The following PPFIA2 variants were observed in gnomAD, a reference collection of about 807,000 sequenced individuals.
PPFIA2 encodes liprin-alpha-2.
A neutral mutation model predicts 175.5 loss-of-function variants in PPFIA2; 46 were observed. That is an observed-to-expected ratio of 0.26 (90% CI 0.21 to 0.34). The LOEUF is 0.34. Ranked by LOEUF, PPFIA2 falls within the 10% of genes least tolerant of loss-of-function variation. The probability of loss-of-function intolerance (pLI) is 1.00; values close to 1 mark genes in which losing one functional copy is unlikely to be tolerated. For missense variants in PPFIA2, 1,179 were observed against 1,506.1 expected (o/e 0.78, Z 3.60); for synonymous variants, 568 against 511.4 (o/e 1.11, Z -1.49).
intron 9 of PPFIA2, 30 bp downstream of exon 9, chr12:81,383,993 C>G (rs1437613496): frequency 1.3e-6 from 2 of 1,535,964 alleles, no homozygotes; most frequent in Admixed American, 3.4e-5. Flanking sequence ...ATTCAGAAAT[C>G]AAAGACTGAA....
At chr12:81,305,114 C>T (rs971136735) in intron 22 of PPFIA2, among the ~76,000 whole-genome samples, 10 of 152,016 alleles carry the variant, frequency 6.6e-5, no homozygotes, top group African/African-American at 2.4e-4. Flanking sequence ...AAATTAACTT[C>T]TTACCAGCTA....
intron 23 of PPFIA2, 103 bp from the exon 24 acceptor site, chr12:81,295,138 A>G: frequency 1.0e-6 from 1 of 975,624 alleles, no homozygotes; most frequent in Non-Finnish European, 1.5e-6. Flanking sequence ...ACATGACCTC[A>G]CCCCACGAGA....
At chr12:81,437,778 G>A (rs193280730) in intron 7 of PPFIA2, among the ~76,000 whole-genome samples, 34 of 151,962 alleles carry the variant, frequency 2.2e-4, no homozygotes, top group African/African-American at 7.0e-4. Flanking sequence ...CACATTTTAC[G>A]TTTTTTTCTG....
chr12:81,552,546 T>C (rs1269297364), intron 4 of PPFIA2, among the ~76,000 whole-genome samples: 1 of 151,994 alleles, frequency 6.6e-6, no homozygotes, highest in Admixed American at 6.6e-5. Flanking sequence ...ATCTAAGTTA[T>C]CAATCATGAT....
chr12:81,663,045 A>C (rs1049488571), intron 4 of PPFIA2, among the ~76,000 whole-genome samples: 30 of 152,206 alleles, frequency 2.0e-4, no homozygotes, highest in Non-Finnish European at 1.2e-4. Flanking sequence ...TATTGATGGG[A>C]CATATCTCAA....
At chr12:81,580,356 C>G (rs945241674) in intron 4 of PPFIA2, among the ~76,000 whole-genome samples, 2 of 151,654 alleles carry the variant, frequency 1.3e-5, no homozygotes, top group African/African-American at 4.8e-5. Context: ...TAACACTCAG[C>G]TCTGTATGAC....
chr12:81,374,189 T>A (rs1242148954), intron 11 of PPFIA2, among the ~76,000 whole-genome samples: 1 of 152,122 alleles, frequency 6.6e-6, no homozygotes, highest in Non-Finnish European at 1.5e-5. Flanking sequence ...GACCTCAGAC[T>A]TTTATAAGTC....
intron 15 of PPFIA2, among the ~76,000 whole-genome samples, chr12:81,359,034 T>C (rs2061259231): frequency 6.6e-6 from 1 of 152,082 alleles, no homozygotes; most frequent in South Asian, 2.1e-4. Context: ...TACTTATATG[T>C]AGATTTATAG....
intron 4 of PPFIA2, among the ~76,000 whole-genome samples, chr12:81,656,155 CT>C (rs770051237): frequency 3.3e-5 from 5 of 151,902 alleles, no homozygotes; most frequent in African/African-American, 1.2e-4. Context: ...TCTCTCTTAT[CT>C]GTTATTGTCT....
At chr12:81,671,377 T>TA (rs538358849) in intron 4 of PPFIA2, among the ~76,000 whole-genome samples, 3 of 151,798 alleles carry the variant, frequency 2.0e-5, no homozygotes, top group East Asian at 1.9e-4. Context: ...CTAATTTTTT[T>TA]AAAAAATAAT....
intron 3 of PPFIA2, among the ~76,000 whole-genome samples, chr12:81,730,478 C>G (rs1021661300): frequency 6.6e-6 from 1 of 151,562 alleles, no homozygotes; most frequent in African/African-American, 2.4e-5. Flanking sequence ...ATGCCAGATG[C>G]TTATGAAACC....
chr12:81,642,114 T>A (rs1021404621), intron 4 of PPFIA2, among the ~76,000 whole-genome samples: 1 of 152,124 alleles, frequency 6.6e-6, no homozygotes, highest in Non-Finnish European at 1.5e-5. Flanking sequence ...TATATACATG[T>A]ATAGATAGGT....
At chr12:81,655,222 T>C (rs931800746) in intron 4 of PPFIA2, among the ~76,000 whole-genome samples, 9 of 151,902 alleles carry the variant, frequency 5.9e-5, no homozygotes, top group South Asian at 2.1e-4. Context: ...CGCCAGAGAG[T>C]TGTCAATGTT....
intron 3 of PPFIA2, among the ~76,000 whole-genome samples, chr12:81,728,187 C>T (rs2080343750): frequency 6.6e-6 from 1 of 151,360 alleles, no homozygotes; most frequent in Non-Finnish European, 1.5e-5. Flanking sequence ...TGGACTATTG[C>T]CTTCACTTTT....
intron 4 of PPFIA2, among the ~76,000 whole-genome samples, chr12:81,475,446 T>C (rs1361614836): frequency 1.3e-5 from 2 of 152,250 alleles, no homozygotes; most frequent in Admixed American, 6.5e-5. Context: ...ACTTATTTTA[T>C]ATAATGTGTT....
At chr12:81,380,883 T>TA (rs1433993179) in intron 9 of PPFIA2, among the ~76,000 whole-genome samples, 3 of 151,976 alleles carry the variant, frequency 2.0e-5, no homozygotes, top group Admixed American at 6.6e-5. Flanking sequence ...GACTCGTCCT[T>TA]AAAAAATCTT....
intron 22 of PPFIA2, among the ~76,000 whole-genome samples, chr12:81,301,807 T>A (rs944243548): frequency 1.3e-5 from 2 of 152,142 alleles, no homozygotes; most frequent in African/African-American, 2.4e-5. Flanking sequence ...CTACTTTAAA[T>A]CTTTACTCAA....
chr12:81,664,981 G>A (rs2069832769), intron 4 of PPFIA2, among the ~76,000 whole-genome samples: 1 of 149,916 alleles, frequency 6.7e-6, no homozygotes, highest in Admixed American at 6.6e-5. Context: ...GGTGGGAATT[G>A]AACAATGAGA....
chr12:81,589,206 G>A (rs887355875), intron 4 of PPFIA2, among the ~76,000 whole-genome samples: 1 of 152,000 alleles, frequency 6.6e-6, no homozygotes, highest in Non-Finnish European at 1.5e-5. Flanking sequence ...ATAATATACA[G>A]CCTAGCTAAC....
Sources: gnomAD v4.1 joint callset for allele counts (sites outside exome capture counted in the v4.1 genomes callset) on GRCh38, gnomAD v4.1.1 for gene constraint, MANE v1.5 for transcripts, NCBI Gene and HGNC (gene_info 2026-07-23, HGNC 2026-07-21) for gene names.